TMEM178B: variants seen among roughly 807,000 people sequenced by gnomAD.
The protein encoded by TMEM178B is transmembrane protein 178B.
Under a neutral mutation model 31.0 loss-of-function variants are expected in TMEM178B, and 5 were observed. That is an observed-to-expected ratio of 0.16 (90% CI 0.08 to 0.34). The LOEUF (loss-of-function observed/expected upper bound fraction) is 0.34. Among genes scored for constraint, TMEM178B ranks in the 10% least tolerant of loss-of-function variants. TMEM178B has a pLI of 1.00. For missense variants in TMEM178B, 275 were observed against 400.3 expected, an observed-to-expected ratio of 0.69 and a Z score of 2.67; for synonymous variants, 164 against 164.0, an observed-to-expected ratio of 1.00 and a Z score of 0.00.
chr7:141,304,510 G>A (rs6967493), intron 2 of TMEM178B, among the ~76,000 whole-genome samples: 8 of 152,002 alleles, frequency 5.3e-5, no homozygotes, highest in East Asian at 1.9e-4. Context: ...GCACACTCTC[G>A]TCTCCAGGGC....
At chr7:141,215,616 G>A (rs913447423) in intron 2 of TMEM178B, among the ~76,000 whole-genome samples, 17 of 151,830 alleles carry the variant, frequency 1.1e-4, no homozygotes, top group African/African-American at 3.6e-4. Flanking sequence ...ATGAGCCACC[G>A]TGCCTGGTCT....
chr7:141,159,437 T>A (rs1003236469), intron 1 of TMEM178B, among the ~76,000 whole-genome samples: 1 of 152,178 alleles, frequency 6.6e-6, no homozygotes, highest in African/African-American at 2.4e-5. Flanking sequence ...ATCCAGCAAT[T>A]CTACTTCTGG....
chr7:141,274,052 C>T (rs1798228530), intron 2 of TMEM178B, among the ~76,000 whole-genome samples: 1 of 152,218 alleles, frequency 6.6e-6, no homozygotes. Flanking sequence ...ACACTTTCCC[C>T]AGATATCATA....
intron 1 of TMEM178B, among the ~76,000 whole-genome samples, chr7:141,190,695 A>G (rs1211046507): frequency 1.3e-5 from 2 of 152,204 alleles, no homozygotes; most frequent in African/African-American, 2.4e-5. Context: ...CTGAATGTCT[A>G]TCACTTTCAC....
intron 2 of TMEM178B, among the ~76,000 whole-genome samples, chr7:141,393,246 T>C (rs1321326652): frequency 6.6e-6 from 1 of 152,194 alleles, no homozygotes; most frequent in Non-Finnish European, 1.5e-5. Context: ...AACCAAGAAC[T>C]CTTAAATTCT....
chr7:141,444,619 A>G (rs572937067), intron 3 of TMEM178B, among the ~76,000 whole-genome samples: 2 of 152,312 alleles, frequency 1.3e-5, no homozygotes, highest in East Asian at 3.9e-4. Flanking sequence ...GGACTCATAG[A>G]TATAAAATAA....
rs548949975 is a variant in TMEM178B at position 141,410,526 on chromosome 7, T to TTC, written c.497-27069_497-27068dup. Among the ~76,000 whole-genome samples, 303 of 146,518 alleles carry TTC rather than the reference T, an allele frequency of 2.1e-3. 2 individuals carry two copies. The highest frequency in any genetic ancestry group is 6.5e-3 in the African/African-American group (260 of 39,812). On this transcript the variant is annotated intron_variant, in intron 2 of 3. Transcript: ENST00000565468. ...TTCCCTCCTTCCTTCCTTCCTTCCT[T>TTC]TCTCTCTCTCTCTCCTTCCTTCTTT... is the stretch of plus-strand genomic sequence containing the variant.
chr7:141,276,334 A>C (rs1798265985), intron 2 of TMEM178B, among the ~76,000 whole-genome samples: 1 of 152,162 alleles, frequency 6.6e-6, no homozygotes, highest in Non-Finnish European at 1.5e-5. Context: ...ATGAGTTTGT[A>C]TTAGTCTGTT....
At chr7:141,079,465 C>T (rs940666681) in intron 1 of TMEM178B, among the ~76,000 whole-genome samples, 4 of 152,158 alleles carry the variant, frequency 2.6e-5, no homozygotes, top group African/African-American at 4.8e-5. Flanking sequence ...CTAAAAGAAC[C>T]AAGCACATAA....
At chr7:141,162,492 G>A (rs1244566025) in intron 1 of TMEM178B, among the ~76,000 whole-genome samples, 2 of 152,134 alleles carry the variant, frequency 1.3e-5, no homozygotes, top group African/African-American at 4.8e-5. Flanking sequence ...AGCAAAATGG[G>A]CCCAACTAAA....
At chr7:141,406,278 G>A (rs1294744884) in intron 2 of TMEM178B, among the ~76,000 whole-genome samples, 1 of 152,116 alleles carries the variant, frequency 6.6e-6, no homozygotes, top group Non-Finnish European at 1.5e-5. Flanking sequence ...TCCCCATCTT[G>A]TATCCCATGA....
chr7:141,185,408 G>A (rs571183691), intron 1 of TMEM178B, among the ~76,000 whole-genome samples: 222 of 152,294 alleles, frequency 1.5e-3, no homozygotes, highest in African/African-American at 5.2e-3. Context: ...GTGTTCCCCT[G>A]GAGTCAGGCC....
intron 1 of TMEM178B, among the ~76,000 whole-genome samples, chr7:141,084,855 A>C (rs1794751994): frequency 6.6e-6 from 1 of 152,174 alleles, no homozygotes; most frequent in South Asian, 2.1e-4. Flanking sequence ...GGTGATTCAA[A>C]GATGAAAAAA....
intron 1 of TMEM178B, among the ~76,000 whole-genome samples, chr7:141,129,930 T>C (rs1197700971): frequency 6.6e-6 from 1 of 152,170 alleles, no homozygotes; most frequent in Non-Finnish European, 1.5e-5. Flanking sequence ...CTGGGATCAA[T>C]AGAAAGGAAA....
chr7:141,348,870 G>A (rs1179144997), intron 2 of TMEM178B, among the ~76,000 whole-genome samples: 2 of 152,200 alleles, frequency 1.3e-5, no homozygotes, highest in African/African-American at 4.8e-5. Flanking sequence ...GACAGTGGAA[G>A]CTGTCAGCAT....
chr7:141,200,427 C>T (rs902128197), intron 1 of TMEM178B, among the ~76,000 whole-genome samples: 3 of 151,874 alleles, frequency 2.0e-5, no homozygotes, highest in Non-Finnish European at 2.9e-5. Flanking sequence ...CGGGGGGAGA[C>T]AGGATGGCTT....
At chr7:141,128,541 GA>G (rs890681215) in intron 1 of TMEM178B, among the ~76,000 whole-genome samples, 59 of 141,728 alleles carry the variant, frequency 4.2e-4, no homozygotes, top group East Asian at 2.6e-3. Context: ...TTGGATCCTT[GA>G]AAAAAAAAAA....
At chr7:141,460,404 G>T (rs529480924) in intron 3 of TMEM178B, among the ~76,000 whole-genome samples, 150 of 152,336 alleles carry the variant, frequency 9.8e-4, no homozygotes, top group African/African-American at 3.5e-3. Flanking sequence ...CACCCTAATG[G>T]CCTCATTTTA....
chr7:141,155,586 A>C (rs1280948952), intron 1 of TMEM178B, among the ~76,000 whole-genome samples: 2 of 152,178 alleles, frequency 1.3e-5, no homozygotes, highest in African/African-American at 4.8e-5. Flanking sequence ...CTTGGCTTCC[A>C]CGTCTGATGG....
Sources: gnomAD v4.1 joint callset for allele counts (sites outside exome capture counted in the v4.1 genomes callset) on GRCh38, gnomAD v4.1.1 for gene constraint, MANE v1.5 for transcripts, NCBI Gene and HGNC (gene_info 2026-07-23, HGNC 2026-07-21) for gene names.